Variants in ERBB3 observed in about 807,000 individuals in gnomAD.
ERBB3 encodes erb-b2 receptor tyrosine kinase 3.
ERBB3 carries 96 observed loss-of-function variants against 156.7 expected under a neutral mutation model. The observed-to-expected ratio is 0.61, with a 90% CI of 0.52 to 0.73. The LOEUF (loss-of-function observed/expected upper bound fraction) is 0.73, where lower values mean the gene tolerates loss of function less well. ERBB3 is among the 30% of genes least tolerant of loss of function. The pLI, the probability that ERBB3 is intolerant of heterozygous loss-of-function variation, is 0.00. For synonymous variants in ERBB3, 567 were observed against 632.0 expected, an observed-to-expected ratio of 0.90 and a Z score of 1.54; for missense variants, 1,406 against 1,709.4, an observed-to-expected ratio of 0.82 and a Z score of 3.13.
At position 56,095,249 on chromosome 12, in the gene ERBB3, T is replaced by C. The variant is rs762323088; in HGVS notation, c.1860-8T>C. The C allele has an allele frequency of 1.9e-6, 3 of 1,610,412 alleles. No homozygotes were observed. Among genetic ancestry groups the C allele is most frequent in the Non-Finnish European group, 2.5e-6 (3 of 1,176,622 alleles). On this transcript the variant is annotated splice_polypyrimidine_tract_variant and splice_region_variant and intron_variant, in intron 15 of 27. Coordinates refer to ENST00000267101, the MANE Select transcript of ERBB3 (RefSeq NM_001982.4). The stretch of plus-strand genomic sequence containing the variant: ...GCTCTCATTTAAGGTGGTGACTTTC[T>C]TCCCTAGGTGTAAAGGACCAGAGCT...
Position 56,100,204 on chromosome 12 carries a change from T to C in ERBB3, c.3160T>C (p.Tyr1054His). 6.2e-7 allele frequency: 1 copy of C among 1,614,158 alleles called. No homozygotes were observed. The highest frequency in any genetic ancestry group is 8.5e-7 in the Non-Finnish European group (1 of 1,180,004). ...GAGCCTTTTAAGTCCATCATCTGGATACATGCCCATGAACCAGGGTAATCT... is the reference window on the plus strand; with the variant it reads ...GAGCCTTTTAAGTCCATCATCTGGACACATGCCCATGAACCAGGGTAATCT... ...SQSLLSPSSG[Y>H]MPMNQGNLGE... Residue 1054 changes from tyrosine (Y) to histidine (H), a missense_variant, in exon 26 of 28, where the codon TAC (tyrosine) becomes CAC (histidine). This residue lies in a region of ERBB3 where 415 missense variants were observed against 454.1 expected (regional missense o/e 0.91). Coordinates refer to ENST00000267101, the MANE Select transcript of ERBB3 (RefSeq NM_001982.4).
intron 9 of ERBB3, 31 bp downstream of exon 9, chr12:56,088,899 C>T (rs372816263): frequency 6.8e-5 from 109 of 1,613,444 alleles, no homozygotes; most frequent in Non-Finnish European, 8.7e-5. Context: ...TCCTTAGACC[C>T]CAGCCCACGC....
At chr12:56,095,367 TG>T (rs1868857143) in intron 16 of ERBB3, 57 bp downstream of exon 16, 1 of 1,423,172 alleles carries the variant, frequency 7.0e-7, no homozygotes, top group African/African-American at 1.4e-5. Flanking sequence ...GGGAGAGAGG[TG>T]GTTACCTGGA....
intron 9 of ERBB3, 195 bp downstream of exon 9, chr12:56,089,063 C>T: frequency 4.3e-6 from 3 of 705,310 alleles, no homozygotes; most frequent in Middle Eastern, 2.4e-4. Flanking sequence ...CATCTTTGAG[C>T]AATTCAATAT....
At chr12:56,094,811 C>T (rs1333633506) in intron 15 of ERBB3, among the ~76,000 whole-genome samples, 7 of 152,124 alleles carry the variant, frequency 4.6e-5, no homozygotes, top group South Asian at 4.1e-4. Flanking sequence ...ATTAGCCCGG[C>T]GTGGTGGCGC....
At chr12:56,100,319 C>G in intron 26 of ERBB3, 74 bp downstream of exon 26, 1 of 1,256,026 alleles carries the variant, frequency 8.0e-7, no homozygotes, top group Non-Finnish European at 1.2e-6. Context: ...TTAGAAACCT[C>G]TGAGGTTTAA....
At chr12:56,095,508 G>A (rs1403116384) in intron 16 of ERBB3, 157 bp from the exon 17 acceptor site, 1 of 982,064 alleles carries the variant, frequency 1.0e-6, no homozygotes, top group Non-Finnish European at 1.6e-6. Context: ...TCTAAGACTG[G>A]TCCAGATTTA....
At chr12:56,092,389 CAAAAAAAAAAAAAAAAAAAAA>C (rs60865127) in intron 9 of ERBB3, among the ~76,000 whole-genome samples, 2 of 42,850 alleles carry the variant, frequency 4.7e-5, no homozygotes, top group African/African-American at 1.9e-4. Context: ...GACTCTGTCT[CAAAAAAAAAAAAAAAAAAAAA>C]AAAAAAAAAA....
intron 23 of ERBB3, 50 bp downstream of exon 23, chr12:56,098,955 CTTTTT>C (rs372817506): frequency 3.7e-5 from 47 of 1,270,912 alleles, no homozygotes; most frequent in Non-Finnish European, 4.1e-5. Context: ...CTTTTTTTTT[CTTTTT>C]TTTTTTTTTT....
At chr12:56,098,360 C>T (rs1328295630) in intron 21 of ERBB3, 140 bp from the exon 22 acceptor site, 33 of 692,300 alleles carry the variant, frequency 4.8e-5, no homozygotes, top group East Asian at 1.9e-4. Context: ...TGCAGTGGGC[C>T]GAGATCGCAC....
intron 26 of ERBB3, among the ~76,000 whole-genome samples, chr12:56,100,688 T>C (rs1406360216): frequency 6.9e-6 from 1 of 144,616 alleles, no homozygotes; most frequent in Non-Finnish European, 1.5e-5. Context: ...ACGCCTGTAA[T>C]CCTAGCACTT....
rs910925285 is a variant in ERBB3 at position 56,093,545 on chromosome 12, A to C, written c.1475A>C (p.Asp492Ala). ...ATCAAGCATAATCGGCCGCGCAGAGACTGCGGTGAGGGAAAGGGTCTGCTA... is the reference window on the plus strand; with the variant it reads ...ATCAAGCATAATCGGCCGCGCAGAGCCTGCGGTGAGGGAAAGGGTCTGCTA... The part of the protein sequence containing the change: ...LDIKHNRPRR[D>A]CVAEGKVCDP... Residue 492 changes from aspartate to alanine, a missense_variant, in exon 12 of 28, where the codon GAC becomes GCC. Coordinates refer to ENST00000267101, the MANE Select transcript of ERBB3 (RefSeq NM_001982.4). 6.2e-7 allele frequency: 1 copy of C among 1,610,964 alleles called. No individual in the cohort carries two copies. Among genetic ancestry groups the C allele is most frequent in the Non-Finnish European group, 8.5e-7 (1 of 1,179,626 alleles).
chr12:56,097,082 T>C lies in ERBB3; in HGVS notation c.2312T>C (p.Ile771Thr). The change falls in exon 20 of 28, where the codon ATT becomes ACT. Residue 771 changes from isoleucine to threonine, a missense_variant. Ile to Thr is a moderately conservative substitution (Grantham distance 89, BLOSUM62 -1). Around this residue, in one of 3 missense-constraint regions of ERBB3, gnomAD observed 979 missense variants for 1,219.6 expected, o/e 0.80. Transcript: ENST00000267101. ...LAIGSLDHAH[I>T]VRLLGLCPGS... is the part of the protein sequence containing the mutation. The stretch of plus-strand genomic sequence containing the variant: ...ATTGGCAGCCTGGACCATGCCCACA[T>C]TGTAAGGCTGCTGGGACTATGCCCA... The C allele has an allele frequency of 1.2e-6, 2 of 1,614,144 alleles. No homozygotes were observed. Among genetic ancestry groups the C allele is most frequent in the Non-Finnish European group, 1.7e-6 (2 of 1,180,020 alleles).
At chr12:56,092,857 G>T in intron 10 of ERBB3, 37 bp downstream of exon 10, 1 of 1,588,368 alleles carries the variant, frequency 6.3e-7, no homozygotes, top group African/African-American at 1.3e-5. Context: ...TAGAAGAATA[G>T]GTGAACCACT....
intron 23 of ERBB3, among the ~76,000 whole-genome samples, chr12:56,099,386 G>C (rs904600027): frequency 2.6e-5 from 4 of 151,542 alleles, no homozygotes; most frequent in African/African-American, 9.7e-5. Context: ...TGACCTCCAC[G>C]TTCCAGGTTT....
chr12:56,096,956 TG>T, intron 19 of ERBB3, 88 bp from the exon 20 acceptor site: 2 of 794,390 alleles, frequency 2.5e-6, no homozygotes, highest in Non-Finnish European at 3.9e-6. Context: ...GCCAGAATGT[TG>T]GGGGTGGGGG....
chr12:56,102,062 C>G lies in ERBB3; in HGVS notation c.*7C>G, dbSNP rs1869132438. On this transcript the variant is annotated 3_prime_UTR_variant, in exon 28 of 28. Coordinates refer to ENST00000267101, the MANE Select transcript of ERBB3 (RefSeq NM_001982.4). ...TAATGCCCAGAGAACGTAACTCCTG[C>G]TCCCTGTGGCACTCAGGGAGCATTT... 3 of 1,605,048 alleles carry G rather than the reference C, an allele frequency of 1.9e-6. No homozygotes were observed. In the Admixed American group the frequency reaches 5.0e-5, roughly 27 times the overall value.
rs1160692953 is a variant in ERBB3, at chr12:56,101,141, A to G, written c.3282A>G (p.Ser1094=). The G allele has an allele frequency of 6.2e-7, 1 of 1,613,902 alleles. No individual in the cohort carries two copies. The highest frequency in any genetic ancestry group is 1.1e-5 in the South Asian group (1 of 91,080). Residue 1094 remains serine (S), a synonymous_variant, in exon 27 of 28, where the codon TCA becomes TCG. Transcript: ENST00000267101. ...CAATGCCACGGGGATGCCTGGCATC[A>G]GAGTCATCAGAGGGGCATGTAACAG... The part of the protein sequence containing the change: ...LHPMPRGCLA[S]ESSEGHVTGS...
intron 2 of ERBB3, 78 bp from the exon 3 acceptor site, chr12:56,084,917 A>T (rs1868423939): frequency 8.1e-6 from 13 of 1,606,954 alleles, no homozygotes. Flanking sequence ...AAGAGTCTTT[A>T]ATGCCTGAAG....
Sources: allele counts gnomAD v4.1 joint callset (sites outside exome capture counted in the v4.1 genomes callset), GRCh38; gene constraint gnomAD v4.1.1; regional missense constraint gnomAD v4.1.1; transcripts MANE v1.5; gene names NCBI Gene and HGNC (gene_info 2026-07-23, HGNC 2026-07-21).